The following EDNRB variants were observed in gnomAD, a reference collection of about 807,000 sequenced individuals.
EDNRB encodes Hirschsprung disease 2.
In EDNRB, 18 loss-of-function variants were observed where a neutral mutation model predicts 46.4. The ratio of observed to expected loss-of-function variants is 0.39; its 90% CI spans 0.27 to 0.57. The LOEUF is 0.57. Ranked by LOEUF, EDNRB falls within the 20% of genes least tolerant of loss-of-function variation. EDNRB has a pLI of 0.61. For synonymous variants in EDNRB, 213 were observed against 204.9 expected, an observed-to-expected ratio of 1.04 and a Z score of -0.34; for missense variants, 434 against 537.5, an observed-to-expected ratio of 0.81 and a Z score of 1.90.
chr13:77,971,750 C>T (rs1287562309), intron 1 of EDNRB, among the ~76,000 whole-genome samples: 1 of 152,174 alleles, frequency 6.6e-6, no homozygotes, highest in Non-Finnish European at 1.5e-5. Context: ...CCTTGCAGGA[C>T]TCCAATTGCA....
chr13:77,918,659 T>G lies in EDNRB; in HGVS notation c.-86A>C. 2 of 1,471,666 alleles carry G rather than the reference T, an allele frequency of 1.4e-6. No individual in the cohort carries two copies. Among genetic ancestry groups the G allele is most frequent in the Non-Finnish European group, 1.8e-6 (2 of 1,121,000 alleles). The allele number at this position is 1,471,666 out of a possible 1,614,324, so 91.2% of individuals were successfully genotyped here. A position where few individuals can be genotyped will look rare whatever the true frequency, so the allele number is the denominator to read the frequency against. On this transcript the variant is annotated 5_prime_UTR_variant, in exon 1 of 7. Coordinates refer to ENST00000646607, the MANE Select transcript of EDNRB (RefSeq NM_001122659.3). This position sits in a 1 kb window ranked among gnomAD's most constrained non-coding sequence, Gnocchi z 4.5. ...AGCAGAGGAAGGAAGACAGGACACT[T>G]GGGTCAGCTGCCCGAGCCAAGTCGC...
intron 1 of EDNRB, among the ~76,000 whole-genome samples, chr13:77,963,332 A>G (rs1232488639): frequency 6.6e-6 from 1 of 152,252 alleles, no homozygotes; most frequent in Admixed American, 6.5e-5. Flanking sequence ...AGCCAAAAGA[A>G]CAAAGCTGGA....
chr13:77,960,059 T>A (rs528445349), intron 1 of EDNRB, among the ~76,000 whole-genome samples: 1 of 152,310 alleles, frequency 6.6e-6, no homozygotes, highest in Non-Finnish European at 1.5e-5. Context: ...AATTTACATC[T>A]GATTGGTGTA....
chr13:77,937,810 G>C (rs909731337), intron 1 of EDNRB, among the ~76,000 whole-genome samples: 5 of 152,148 alleles, frequency 3.3e-5, no homozygotes, highest in African/African-American at 1.2e-4. Context: ...GAAAGACTCA[G>C]TGACGCTTGA....
chr13:77,907,768 G>T (rs1173290815), intron 1 of EDNRB, among the ~76,000 whole-genome samples: 1 of 151,870 alleles, frequency 6.6e-6, no homozygotes, highest in Non-Finnish European at 1.5e-5. Context: ...ATGAAAATGA[G>T]CTCTGCACTG....
intron 1 of EDNRB, among the ~76,000 whole-genome samples, chr13:77,963,928 AAAAC>A (rs1160329742): frequency 1.1e-4 from 17 of 152,214 alleles, no homozygotes; most frequent in African/African-American, 2.7e-4. Flanking sequence ...TTACAAGAAA[AAAAC>A]AAACAACCCC....
chr13:77,900,463 T>G, intron 5 of EDNRB, 58 bp downstream of exon 5: 1 of 1,608,286 alleles, frequency 6.2e-7, no homozygotes, highest in South Asian at 1.1e-5. Flanking sequence ...AAAAGATCGA[T>G]GGAAACACTT....
At position 77,900,520 on chromosome 13, in the gene EDNRB, C is replaced by A; in HGVS notation, c.1085+1G>T. On this transcript the variant is annotated splice_donor_variant, in intron 5 of 6. Coordinates refer to ENST00000646607, the MANE Select transcript of EDNRB (RefSeq NM_001122659.3). LOFTEE classifies it high-confidence loss of function. ...AACCATTTCTAGTTTGCCTTTCTTA[C>A]CTCAAAAGTTCACATCTATTGGGAT... The A allele has an allele frequency of 1.2e-6, 2 of 1,612,240 alleles. No homozygotes were observed. Among genetic ancestry groups the A allele is most frequent in the Non-Finnish European group, 1.7e-6 (2 of 1,178,824 alleles).
chr13:77,940,294 G>A (rs973117167), intron 1 of EDNRB, among the ~76,000 whole-genome samples: 52 of 150,490 alleles, frequency 3.5e-4, no homozygotes, highest in Non-Finnish European at 3.4e-4. Flanking sequence ...ACATAAAAGA[G>A]GAAATGGTTA....
Position 77,899,896 on chromosome 13 carries a change from A to G in EDNRB, c.1157T>C (p.Leu386Pro). 1 of 1,612,048 alleles carries G rather than the reference A, an allele frequency of 6.2e-7. No individual in the cohort carries two copies. Residue 386 changes from leucine to proline, a missense_variant, in exon 6 of 7, where the codon CTG (leucine) becomes CCG (proline). Leu to Pro is a moderately conservative substitution (Grantham distance 98, BLOSUM62 -3). Transcript: ENST00000646607. ...TTTGAATCTTTTGCTCACCAAATAC[A>G]GAGCAATTGGGTTAATGCAGGAATT... ...SLNSCINPIA[L>P]YLVSKRFKNC...
upstream of EDNRB, among the ~76,000 whole-genome samples, chr13:77,923,058 A>G (rs756907564): frequency 6.6e-6 from 1 of 152,206 alleles, no homozygotes; most frequent in Non-Finnish European, 1.5e-5. Flanking sequence ...TGATGGTACC[A>G]AATTACACTT....
chr13:77,971,615 C>A (rs898023411), intron 1 of EDNRB, among the ~76,000 whole-genome samples: 1 of 147,322 alleles, frequency 6.8e-6, no homozygotes, highest in Non-Finnish European at 1.5e-5. Flanking sequence ...TCATGGAAAG[C>A]TTGCTGCTGT....
At chr13:77,919,235 TCAAACAC>T, upstream of EDNRB, 1 of 770,728 alleles carries the variant, frequency 1.3e-6, no homozygotes, top group East Asian at 2.7e-5. Flanking sequence ...CCAAACGGCT[TCAAACAC>T]TCGCGCTCCT....
chr13:77,963,241 A>G (rs187552942), intron 1 of EDNRB, among the ~76,000 whole-genome samples: 2 of 152,328 alleles, frequency 1.3e-5, no homozygotes, highest in African/African-American at 4.8e-5. Flanking sequence ...CCTACCAATG[A>G]CTTTCTTCAC....
At chr13:77,919,496 C>T (rs1043293833), upstream of EDNRB, 2 of 1,612,832 alleles carry the variant, frequency 1.2e-6, no homozygotes, top group Non-Finnish European at 1.7e-6. Flanking sequence ...GAGAGGAGCA[C>T]GCCTCCCTTG....
intron 1 of EDNRB, among the ~76,000 whole-genome samples, chr13:77,940,553 G>A (rs953093570): frequency 1.3e-5 from 2 of 152,180 alleles, no homozygotes; most frequent in South Asian, 4.1e-4. Context: ...CAAAGTAGAC[G>A]TGGAGAAACA....
intron 1 of EDNRB, among the ~76,000 whole-genome samples, chr13:77,909,277 AT>A (rs1464283878): frequency 6.6e-6 from 1 of 152,068 alleles, no homozygotes; most frequent in Admixed American, 6.6e-5. Context: ...TCATTTTGAT[AT>A]TATAGTTTAA....
chr13:77,957,074 C>T (rs1881262181), intron 1 of EDNRB, among the ~76,000 whole-genome samples: 1 of 152,088 alleles, frequency 6.6e-6, no homozygotes, highest in African/African-American at 2.4e-5. Context: ...TTTTTCTGGT[C>T]CATATGGATT....
At chr13:77,957,295 CATGGGGT>C (rs1192285945) in intron 1 of EDNRB, among the ~76,000 whole-genome samples, 4 of 152,236 alleles carry the variant, frequency 2.6e-5, no homozygotes, top group Admixed American at 2.6e-4. Flanking sequence ...AAGTTCACAC[CATGGGGT>C]TTTAGGCTTG....
Sources: allele counts gnomAD v4.1 joint callset (sites outside exome capture counted in the v4.1 genomes callset), GRCh38; gene constraint gnomAD v4.1.1; non-coding constraint Gnocchi (gnomAD v3.1); transcripts MANE v1.5; gene names NCBI Gene and HGNC (gene_info 2026-07-23, HGNC 2026-07-21).